RFTN2: variants seen among roughly 807,000 people sequenced by gnomAD.
RFTN2 encodes raftlin family member 2, also known as raftlin-2.
RFTN2 carries 34 observed loss-of-function variants against 52.7 expected under a neutral mutation model. The ratio of observed to expected loss-of-function variants is 0.64; its 90% CI spans 0.49 to 0.86. RFTN2 has a LOEUF of 0.86. Among genes scored for constraint, RFTN2 ranks in the 40% least tolerant of loss-of-function variants. The pLI is 0.00. For synonymous variants in RFTN2, 203 were observed against 217.7 expected (o/e 0.93, Z 0.59); for missense variants, 536 against 600.1 (o/e 0.89, Z 1.12).
chr2:197,628,702 G>A (rs1489334056), intron 5 of RFTN2, among the ~76,000 whole-genome samples: 1 of 152,178 alleles, frequency 6.6e-6, no homozygotes, highest in East Asian at 1.9e-4. Flanking sequence ...TACTGTAATT[G>A]CACATAACAA....
chr2:197,588,180 C>T (rs2087631778), intron 8 of RFTN2, among the ~76,000 whole-genome samples: 1 of 152,188 alleles, frequency 6.6e-6, no homozygotes, highest in South Asian at 2.1e-4. Context: ...AGAAATACAA[C>T]TGTTAAAACC....
At chr2:197,598,508 A>G (rs1164121628) in intron 7 of RFTN2, among the ~76,000 whole-genome samples, 1 of 152,162 alleles carries the variant, frequency 6.6e-6, no homozygotes, top group Non-Finnish European at 1.5e-5. Flanking sequence ...TCTTGAAGAG[A>G]AAGCAGGAAC....
chr2:197,570,437 A>G lies in RFTN2; in HGVS notation c.*1571T>C, dbSNP rs1364268071. ...CATATCTGTTATATGTATAAAACAT[A>G]TTATATGAAGGCCAGGCATGGTGGC... On this transcript the variant is annotated 3_prime_UTR_variant, in exon 9 of 9. Coordinates refer to ENST00000295049, the MANE Select transcript of RFTN2 (RefSeq NM_144629.3). 1 of 152,182 alleles carries G rather than the reference A, an allele frequency of 6.6e-6. No homozygotes were observed. Among genetic ancestry groups the G allele is most frequent in the Non-Finnish European group, 1.5e-5 (1 of 68,026 alleles). 9.4% of individuals were successfully genotyped at this position (152,182 alleles called of 1,614,324 possible).
At chr2:197,639,443 T>G (rs2088623687) in intron 3 of RFTN2, among the ~76,000 whole-genome samples, 1 of 150,176 alleles carries the variant, frequency 6.7e-6, no homozygotes, top group South Asian at 2.1e-4. Flanking sequence ...TCATTTCTTT[T>G]TATTCTTTTT....
At chr2:197,672,523 A>T (rs1387252190) in intron 1 of RFTN2, among the ~76,000 whole-genome samples, 1 of 152,228 alleles carries the variant, frequency 6.6e-6, no homozygotes, top group Non-Finnish European at 1.5e-5. Context: ...AGGAATGTGG[A>T]GACAGAGGGT....
rs780467073 is a variant in RFTN2 at position 197,633,994 on chromosome 2, T to G, written c.442A>C (p.Asn148His). 1 of 1,604,474 alleles carries G rather than the reference T, an allele frequency of 6.2e-7. No homozygotes were observed. Among genetic ancestry groups the G allele is most frequent in the Admixed American group, 1.7e-5 (1 of 58,938 alleles). ...TTCATTCCTCTTTTAGCAGCGACAT[T>G]AATCTGATATTTAAAAAGAGATGGC... ...DAAKELIEKINVAAKRGMKFV... is the reference protein window; with the variant it reads ...DAAKELIEKIHVAAKRGMKFV... Residue 148 changes from asparagine to histidine, a missense_variant, in exon 4 of 9, where the codon AAT (asparagine) becomes CAT (histidine). Physicochemically the swap from Asn to His is moderately conservative, Grantham distance 68 (BLOSUM62 1). Coordinates refer to ENST00000295049, the MANE Select transcript of RFTN2 (RefSeq NM_144629.3).
chr2:197,624,005 G>A (rs977067664), intron 5 of RFTN2, among the ~76,000 whole-genome samples: 1 of 151,918 alleles, frequency 6.6e-6, no homozygotes, highest in African/African-American at 2.4e-5. Context: ...CACCATGTTG[G>A]CTAGGGTGGT....
chr2:197,672,429 T>G (rs956529748), intron 1 of RFTN2, among the ~76,000 whole-genome samples: 2 of 152,162 alleles, frequency 1.3e-5, no homozygotes, highest in African/African-American at 2.4e-5. Flanking sequence ...TTGATGATTA[T>G]GTATCAGAGG....
At chr2:197,588,998 T>C (rs1364058548) in intron 8 of RFTN2, among the ~76,000 whole-genome samples, 1 of 151,854 alleles carries the variant, frequency 6.6e-6, no homozygotes, top group Admixed American at 6.6e-5. Flanking sequence ...CCAAGGCAGG[T>C]GGACCACGAG....
At chr2:197,602,974 C>T (rs1019836386) in intron 7 of RFTN2, among the ~76,000 whole-genome samples, 4 of 152,024 alleles carry the variant, frequency 2.6e-5, no homozygotes, top group African/African-American at 4.8e-5. Flanking sequence ...ATCACAAGGA[C>T]AAAAAACCAA....
chr2:197,644,493 T>A (rs374996707), intron 2 of RFTN2, among the ~76,000 whole-genome samples: 3 of 152,368 alleles, frequency 2.0e-5, no homozygotes, highest in Non-Finnish European at 2.9e-5. Flanking sequence ...ATTTAATTTG[T>A]CAGTTAGAAA....
In RFTN2 at chr2:197,570,756, C is replaced by T. The variant is rs1237521170; in HGVS notation, c.*1252G>A. The T allele has an allele frequency of 6.6e-6, 1 of 152,096 alleles. No homozygotes were observed. Among genetic ancestry groups the T allele is most frequent in the Non-Finnish European group, 1.5e-5 (1 of 68,040 alleles). The allele number at this position is 152,096 out of a possible 1,614,324, so 9.4% of individuals were successfully genotyped here. A position where few individuals can be genotyped will look rare whatever the true frequency, so the allele number is the denominator to read the frequency against. On this transcript the variant is annotated 3_prime_UTR_variant, in exon 9 of 9. Coordinates refer to ENST00000295049, the MANE Select transcript of RFTN2 (RefSeq NM_144629.3). The stretch of plus-strand genomic sequence containing the variant: ...AAAAAAGCCACAAAAAACCCCCAAA[C>T]CAAACATATTATATGAATATTTGTG...
intron 1 of RFTN2, 123 bp downstream of exon 1, chr2:197,675,197 T>G (rs2089199472): frequency 1.4e-6 from 1 of 710,508 alleles, no homozygotes; most frequent in Admixed American, 3.3e-5. Context: ...AGCGAAGCAT[T>G]ATTGTTTGAA....
chr2:197,625,861 G>A (rs999558798), intron 5 of RFTN2, among the ~76,000 whole-genome samples: 1 of 149,640 alleles, frequency 6.7e-6, no homozygotes, highest in East Asian at 2.0e-4. Flanking sequence ...GTGTGATCTC[G>A]GCTCACTGCA....
chr2:197,618,779 C>T (rs1294978974), intron 5 of RFTN2, among the ~76,000 whole-genome samples: 1 of 151,552 alleles, frequency 6.6e-6, no homozygotes, highest in African/African-American at 2.4e-5. Context: ...CCGGACGCCC[C>T]GTCTGAGAAG....
intron 8 of RFTN2, among the ~76,000 whole-genome samples, chr2:197,588,660 G>C (rs982226197): frequency 1.3e-5 from 2 of 152,318 alleles, no homozygotes; most frequent in Admixed American, 6.5e-5. Context: ...CTGTGTGAAC[G>C]TAAGTTTTTA....
intron 1 of RFTN2, among the ~76,000 whole-genome samples, chr2:197,658,514 T>C (rs1449533033): frequency 6.6e-6 from 1 of 151,898 alleles, no homozygotes; most frequent in Non-Finnish European, 1.5e-5. Flanking sequence ...CTTGAACTCC[T>C]GGACTCAGGC....
At chr2:197,584,286 C>T (rs2087562048) in intron 8 of RFTN2, among the ~76,000 whole-genome samples, 1 of 152,202 alleles carries the variant, frequency 6.6e-6, no homozygotes, top group South Asian at 2.1e-4. Flanking sequence ...TCTCCAGCAC[C>T]TGTTGTTTCC....
intron 8 of RFTN2, among the ~76,000 whole-genome samples, chr2:197,589,915 C>CT (rs1180956420): frequency 7.3e-5 from 11 of 151,262 alleles, no homozygotes; most frequent in Non-Finnish European, 1.0e-4. Context: ...TGTCTAAAAA[C>CT]TTTTTTTTTG....
Sources: allele counts gnomAD v4.1 joint callset (sites outside exome capture counted in the v4.1 genomes callset), GRCh38; gene constraint gnomAD v4.1.1; transcripts MANE v1.5; gene names NCBI Gene and HGNC (gene_info 2026-07-23, HGNC 2026-07-21).